The following NFKB1 variants were observed in gnomAD, a reference collection of about 807,000 sequenced individuals.
The protein encoded by NFKB1 is nuclear factor NF-kappa-B p105 subunit.
NFKB1 carries 9 observed loss-of-function variants against 105.1 expected under a neutral mutation model. That is an observed-to-expected ratio of 0.09 (90% CI 0.05 to 0.15). NFKB1 has a LOEUF of 0.15. Among genes scored for constraint, NFKB1 ranks in the 10% least tolerant of loss-of-function variants. The pLI, the probability that NFKB1 is intolerant of heterozygous loss-of-function variation, is 1.00. For missense variants in NFKB1, 830 were observed against 1,203.7 expected, an observed-to-expected ratio of 0.69 and a Z score of 4.59; for synonymous variants, 440 against 442.2, an observed-to-expected ratio of 1.00 and a Z score of 0.06.
Position 102,533,845 on chromosome 4 carries a change from C to A in NFKB1, c.119C>A (p.Ala40Glu), listed in dbSNP as rs750949639. 3 of 1,611,390 alleles carry A rather than the reference C, an allele frequency of 1.9e-6. No homozygotes were observed. The highest frequency in any genetic ancestry group is 2.5e-6 in the Non-Finnish European group (3 of 1,178,994). Residue 40 changes from alanine (A) to glutamate (E), a missense_variant and splice_region_variant, in exon 4 of 24, where the codon GCA becomes GAA. Physicochemically the swap from Ala to Glu is moderately radical, Grantham distance 107 (BLOSUM62 -1). Transcript: ENST00000226574. ...TTCTGTTTGTTGTTTTTGTTTTTAG[C>A]AGATGGCCCATACCTTCAAATATTA... is the stretch of plus-strand genomic sequence containing the variant. ...VFQPQMALPT[A>E]DGPYLQILEQ...
chr4:102,534,147 G>A (rs1223005298), intron 4 of NFKB1, among the ~76,000 whole-genome samples: 1 of 152,174 alleles, frequency 6.6e-6, no homozygotes, highest in African/African-American at 2.4e-5. Context: ...ACAGTATTCT[G>A]CTGTCTCTAC....
Position 102,612,126 on chromosome 4 carries a change from A to G in NFKB1, c.2419+16A>G. On this transcript the variant is annotated intron_variant, in intron 21 of 23. Coordinates refer to ENST00000226574, the MANE Select transcript of NFKB1 (RefSeq NM_003998.4). ...CTAGCACAAGGTGGGTTGTGATAAA[A>G]CCAGATTCTCTTAACCATTATTATC... The G allele has an allele frequency of 6.2e-7, 1 of 1,608,110 alleles. No individual in the cohort carries two copies. Among genetic ancestry groups the G allele is most frequent in the African/African-American group, 1.3e-5 (1 of 74,940 alleles).
chr4:102,594,135 G>T (rs1460531596), intron 12 of NFKB1, among the ~76,000 whole-genome samples: 2 of 152,186 alleles, frequency 1.3e-5, no homozygotes, highest in African/African-American at 2.4e-5. Context: ...ATGACTGTGT[G>T]TATAGAGTCA....
intron 6 of NFKB1, among the ~76,000 whole-genome samples, chr4:102,574,585 C>T (rs1724660012): frequency 1.3e-5 from 2 of 152,228 alleles, no homozygotes; most frequent in Non-Finnish European, 2.9e-5. Flanking sequence ...TTGCCAGGCT[C>T]TGTTGGGGTT....
intron 5 of NFKB1, among the ~76,000 whole-genome samples, chr4:102,551,347 GGTGTGTGTGT>G (rs199492662): frequency 7.2e-6 from 1 of 139,008 alleles, no homozygotes; most frequent in African/African-American, 3.0e-5. Flanking sequence ...ATTCTAAATT[GGTGTGTGTGT>G]GTGTGTGTGT....
chr4:102,593,603 A>G (rs752325887), intron 12 of NFKB1, 35 bp downstream of exon 12: 2 of 1,588,408 alleles, frequency 1.3e-6, no homozygotes, highest in East Asian at 2.3e-5. Flanking sequence ...AAACTTTTTC[A>G]TATTGGAGAG....
At chr4:102,549,877 T>A (rs892417108) in intron 5 of NFKB1, among the ~76,000 whole-genome samples, 5 of 152,238 alleles carry the variant, frequency 3.3e-5, no homozygotes, top group African/African-American at 1.2e-4. Flanking sequence ...AGAAACTAAT[T>A]ATTCTTCAGC....
At chr4:102,578,567 C>A (rs754454793) in intron 7 of NFKB1, 30 of 419,264 alleles carry the variant, frequency 7.2e-5, no homozygotes, top group Non-Finnish European at 1.1e-4. Flanking sequence ...CCATCACATC[C>A]TGTGTGCCTT....
intron 11 of NFKB1, among the ~76,000 whole-genome samples, chr4:102,590,112 C>T (rs1578801499): frequency 6.6e-6 from 1 of 152,158 alleles, no homozygotes; most frequent in African/African-American, 2.4e-5. Flanking sequence ...GTTTTTCTGG[C>T]ATCCACCCCA....
rs768662565 is a variant in NFKB1 at position 102,612,583 on chromosome 4, A to C, written c.2569A>C (p.Lys857Gln). 1 of 1,613,650 alleles carries C rather than the reference A, an allele frequency of 6.2e-7. No homozygotes were observed. Among genetic ancestry groups the C allele is most frequent in the Admixed American group, 1.7e-5 (1 of 60,002 alleles). ...CTTCCGGCTGAGTCCTGCTCCTTCC[A>C]AAACACTTATGGACAACTATGAGGT... Reference protein sequence around the residue: ...NAFRLSPAPSKTLMDNYEVSG... With the variant: ...NAFRLSPAPSQTLMDNYEVSG... The change falls in exon 22 of 24, where the codon AAA becomes CAA. Residue 857 changes from lysine to glutamine, a missense_variant. This residue lies in a region of NFKB1 where 418 missense variants were observed against 575.3 expected (regional missense o/e 0.73). Transcript: ENST00000226574.
intron 4 of NFKB1, among the ~76,000 whole-genome samples, chr4:102,536,235 A>G (rs756833994): frequency 7.9e-5 from 12 of 152,136 alleles, no homozygotes; most frequent in Non-Finnish European, 1.2e-4. Flanking sequence ...ATTGTAAATT[A>G]TTTTTAAATA....
At chr4:102,612,295 A>T (rs1361612750) in intron 21 of NFKB1, 139 bp from the exon 22 acceptor site, 2 of 963,594 alleles carry the variant, frequency 2.1e-6, no homozygotes, top group East Asian at 5.1e-5. Context: ...CCTTCTACTC[A>T]GCTGGGCTTT....
chr4:102,613,266 CTG>C (rs1728602218), intron 22 of NFKB1, among the ~76,000 whole-genome samples, 157 bp from the exon 23 acceptor site: 1 of 152,160 alleles, frequency 6.6e-6, no homozygotes, highest in Non-Finnish European at 1.5e-5. Flanking sequence ...GATTCGAAGA[CTG>C]TATTTTCTTA....
chr4:102,543,498 G>T (rs187648576), intron 5 of NFKB1, among the ~76,000 whole-genome samples: 1 of 151,798 alleles, frequency 6.6e-6, no homozygotes, highest in Non-Finnish European at 1.5e-5. Flanking sequence ...CTGAAAGCTG[G>T]TTCTCACATA....
At chr4:102,508,581 A>C in intron 1 of NFKB1, among the ~76,000 whole-genome samples, 1 of 152,156 alleles carries the variant, frequency 6.6e-6, no homozygotes, top group Non-Finnish European at 1.5e-5. Flanking sequence ...AAACCTGGGG[A>C]ACTACTTTTC....
At chr4:102,533,822 C>G (rs1741458431) in intron 3 of NFKB1, 23 bp from the exon 4 acceptor site, 1 of 1,606,720 alleles carries the variant, frequency 6.2e-7, no homozygotes, top group South Asian at 1.1e-5. Flanking sequence ...CTTTTGGTTT[C>G]TGTTTGTTGT....
chr4:102,588,306 T>G (rs1178358186), intron 11 of NFKB1, among the ~76,000 whole-genome samples: 3 of 152,140 alleles, frequency 2.0e-5, no homozygotes, highest in Non-Finnish European at 2.9e-5. Context: ...CCCGGAGCTT[T>G]GCATCCTCTA....
chr4:102,526,541 C>G (rs1483816870), intron 2 of NFKB1, among the ~76,000 whole-genome samples: 1 of 152,080 alleles, frequency 6.6e-6, no homozygotes, highest in Non-Finnish European at 1.5e-5. Context: ...AGTAAGGAGA[C>G]AGATTGTTGT....
chr4:102,534,698 C>G (rs1257624830), intron 4 of NFKB1, among the ~76,000 whole-genome samples: 1 of 152,186 alleles, frequency 6.6e-6, no homozygotes, highest in Non-Finnish European at 1.5e-5. Context: ...GATGGATAAA[C>G]TAATCACATT....
Sources: gnomAD v4.1 joint callset for allele counts (sites outside exome capture counted in the v4.1 genomes callset) on GRCh38, gnomAD v4.1.1 for gene constraint, gnomAD v4.1.1 regional missense constraint, MANE v1.5 for transcripts, NCBI Gene and HGNC (gene_info 2026-07-23, HGNC 2026-07-21) for gene names.